NUP160: variants seen among roughly 807,000 people sequenced by gnomAD.
NUP160 encodes the protein nucleoporin 160, also known as nuclear pore complex protein Nup160.
NUP160 carries 94 observed loss-of-function variants against 196.9 expected under a neutral mutation model. That is an observed-to-expected ratio of 0.48 (90% CI 0.40 to 0.57). The LOEUF (loss-of-function observed/expected upper bound fraction) is 0.57, where lower values mean the gene tolerates loss of function less well. Among genes scored for constraint, NUP160 ranks in the 20% least tolerant of loss-of-function variants. The probability of loss-of-function intolerance (pLI) is 0.00; values close to 1 mark genes in which losing one functional copy is unlikely to be tolerated. For synonymous variants in NUP160, 605 were observed against 619.7 expected (o/e 0.98, Z 0.35); for missense variants, 1,638 against 1,748.3 (o/e 0.94, Z 1.13).
At chr11:47,797,587 A>G (rs1365882170) in intron 27 of NUP160, among the ~76,000 whole-genome samples, 192 bp downstream of exon 27, 1 of 152,158 alleles carries the variant, frequency 6.6e-6, no homozygotes, top group Non-Finnish European at 1.5e-5. Context: ...ATGCCATTTT[A>G]GTGGCAACGC....
At position 47,788,514 on chromosome 11, in the gene NUP160, C is replaced by T. The variant is rs138769662; in HGVS notation, c.3609G>A (p.Ala1203=). The T allele has an allele frequency of 2.0e-5, 33 of 1,613,160 alleles. No individual in the cohort carries two copies. The highest frequency in any genetic ancestry group is 1.3e-4 in the Admixed American group (8 of 59,956). Residue 1203 remains alanine, a synonymous_variant, in exon 30 of 36, where the codon GCG becomes GCA. Coordinates refer to ENST00000378460, the Ensembl canonical transcript of NUP160. The stretch of plus-strand genomic sequence containing the variant: ...TTGAATTCCTACCAGCAACTGCAAC[C>T]GCTGATGGATCATGCTGAGCCAAAG...
At chr11:47,832,114 A>G (rs1314675420) in intron 7 of NUP160, among the ~76,000 whole-genome samples, 1 of 151,756 alleles carries the variant, frequency 6.6e-6, no homozygotes, top group Non-Finnish European at 1.5e-5. Flanking sequence ...ATTGGCCAGG[A>G]GGGTCTCGAT....
intron 9 of NUP160, among the ~76,000 whole-genome samples, chr11:47,820,606 G>T (rs760853866): frequency 6.6e-6 from 1 of 151,906 alleles, no homozygotes; most frequent in Non-Finnish European, 1.5e-5. Context: ...AGGCTGGAGT[G>T]AATGGCATGA....
At chr11:47,809,220 C>A (rs1828946370) in intron 17 of NUP160, among the ~76,000 whole-genome samples, 1 of 130,026 alleles carries the variant, frequency 7.7e-6, no homozygotes, top group South Asian at 2.5e-4. Flanking sequence ...AGCCACTGCA[C>A]TTCAGCCTGG....
intron 27 of NUP160, among the ~76,000 whole-genome samples, 195 bp from the exon 28 acceptor site, chr11:47,793,141 C>G (rs953948066): frequency 1.3e-5 from 2 of 152,098 alleles, no homozygotes; most frequent in African/African-American, 2.4e-5. Context: ...CACACGACCA[C>G]CACGCCCGGC....
intron 31 of NUP160, among the ~76,000 whole-genome samples, chr11:47,787,428 CT>C (rs145162308): frequency 6.6e-3 from 862 of 130,016 alleles, no homozygotes; most frequent in African/African-American, 9.0e-3. Context: ...AATTCACAAA[CT>C]TTTTTTTTTT....
At chr11:47,786,150 G>A (rs1282976100) in intron 32 of NUP160, among the ~76,000 whole-genome samples, 6 of 152,112 alleles carry the variant, frequency 3.9e-5, no homozygotes, top group Admixed American at 1.3e-4. Flanking sequence ...AAAAAAGGAG[G>A]ATAACACTCC....
chr11:47,832,976 G>A (rs1852105494), intron 7 of NUP160, among the ~76,000 whole-genome samples: 1 of 152,192 alleles, frequency 6.6e-6, no homozygotes, highest in South Asian at 2.1e-4. Context: ...CAGTTGTGTA[G>A]AGCTGGGAAG....
At chr11:47,841,851 C>A (rs1223251367) in intron 2 of NUP160, among the ~76,000 whole-genome samples, 1 of 151,990 alleles carries the variant, frequency 6.6e-6, no homozygotes, top group African/African-American at 2.4e-5. Flanking sequence ...CCACACCTGG[C>A]TAATTTTTGT....
At chr11:47,779,615 AAC>A (rs762647575) in intron 35 of NUP160, 2 of 516,126 alleles carry the variant, frequency 3.9e-6, no homozygotes, top group Non-Finnish European at 7.7e-6. Context: ...GACTCAAGGA[AAC>A]ACTATTGTTT....
At chr11:47,837,968 CA>C (rs1205153349) in intron 4 of NUP160, among the ~76,000 whole-genome samples, 5 of 152,262 alleles carry the variant, frequency 3.3e-5, no homozygotes, top group Non-Finnish European at 5.9e-5. Context: ...TAGCAGTAAA[CA>C]AAACAAATTT....
At chr11:47,815,731 C>T (rs2097684064) in intron 12 of NUP160, 82 bp from the exon 13 acceptor site, 1 of 1,223,216 alleles carries the variant, frequency 8.2e-7, no homozygotes, top group African/African-American at 1.5e-5. Context: ...TGTCCAATAT[C>T]ATTATACTAA....
chr11:47,780,216 T>C (rs1356121087), intron 35 of NUP160, 127 bp downstream of exon 35: 1 of 652,720 alleles, frequency 1.5e-6, no homozygotes, highest in East Asian at 2.8e-5. Context: ...GACTGGGCAG[T>C]TTGTTAAGGG....
chr11:47,804,369 A>G (rs151247729), intron 21 of NUP160, 180 bp downstream of exon 21: 1,333 of 528,562 alleles, frequency 2.5e-3, no homozygotes, highest in Middle Eastern at 0.011. Context: ...GATCAGACAA[A>G]ATCAAGCAAG....
intron 12 of NUP160, 47 bp downstream of exon 12, chr11:47,815,899 A>G (rs200741219): frequency 1.5e-4 from 209 of 1,423,532 alleles, no homozygotes; most frequent in Middle Eastern, 1.0e-3. Context: ...AATCTGCCCT[A>G]TATCAAGATG....
chr11:47,827,878 A>G (rs1356638424), intron 7 of NUP160, among the ~76,000 whole-genome samples: 1 of 152,194 alleles, frequency 6.6e-6, no homozygotes, highest in Non-Finnish European at 1.5e-5. Context: ...TAATAAAACT[A>G]ACTTTTTTAT....
chr11:47,803,532 T>C (rs1254576434), exon 22 of NUP160: 2 of 1,592,846 alleles, frequency 1.3e-6, no homozygotes, highest in Admixed American at 1.7e-5. Context: ...CAGTTGAATA[T>C]AATCCTTAAA....
rs143704961 is a variant in NUP160, at chr11:47,814,255, G to C, written c.1687-840C>G. ...TAACAGTTTGAGGTTAAGCTAAAGA[G>C]ACACAATAACTAAATACATATATTA... is the stretch of plus-strand genomic sequence containing the variant. On this transcript the variant is annotated intron_variant, in intron 13 of 35. Transcript: ENST00000378460. 2.0e-5 allele frequency among the ~76,000 whole-genome samples: 3 copies of C among 152,060 alleles called. No homozygotes were observed. In the East Asian group the frequency reaches 5.8e-4, roughly 29 times the overall value.
chr11:47,819,748 G>A (rs1216195333), intron 9 of NUP160, among the ~76,000 whole-genome samples: 1 of 152,036 alleles, frequency 6.6e-6, no homozygotes, highest in Non-Finnish European at 1.5e-5. Flanking sequence ...TAACACTAAG[G>A]CATCAAATAC....
Sources: gnomAD v4.1 joint callset for allele counts (sites outside exome capture counted in the v4.1 genomes callset) on GRCh38, gnomAD v4.1.1 for gene constraint, MANE v1.5 for transcripts, NCBI Gene and HGNC (gene_info 2026-07-23, HGNC 2026-07-21) for gene names.